Variants in ITGAE observed in about 807,000 individuals in gnomAD.
The protein encoded by ITGAE is integrin alpha-E.
A neutral mutation model predicts 136.5 loss-of-function variants in ITGAE; 99 were observed. The ratio of observed to expected loss-of-function variants is 0.73; its 90% CI spans 0.62 to 0.86. ITGAE has a LOEUF of 0.86. Ranked by LOEUF, ITGAE falls within the 40% of genes least tolerant of loss-of-function variation. ITGAE has a pLI of 0.00. For synonymous variants in ITGAE, 613 were observed against 591.8 expected (o/e 1.04, Z -0.52); for missense variants, 1,447 against 1,515.3 (o/e 0.95, Z 0.75).
chr17:3,719,698 C>A (rs911068331), intron 29 of ITGAE, among the ~76,000 whole-genome samples: 1 of 150,376 alleles, frequency 6.6e-6, no homozygotes, highest in Non-Finnish European at 1.5e-5. Context: ...ATACAAAAAA[C>A]AATTTCTCAC....
chr17:3,794,195 T>C (rs985465460), intron 1 of ITGAE, among the ~76,000 whole-genome samples: 1 of 151,958 alleles, frequency 6.6e-6, no homozygotes, highest in African/African-American at 2.4e-5. Context: ...GTCAGGCTGG[T>C]CTTGAACTCC....
rs1231623178 is a variant in ITGAE at position 3,753,870 on chromosome 17, A to G, written c.1440T>C (p.Ala480=). 2 of 1,614,102 alleles carry G rather than the reference A, an allele frequency of 1.2e-6. No individual in the cohort carries two copies. Among genetic ancestry groups the G allele is most frequent in the Admixed American group, 3.3e-5 (2 of 60,022 alleles). Residue 480 remains alanine, a synonymous_variant, in exon 13 of 31, where the codon GCT becomes GCC. Coordinates refer to ENST00000263087, the MANE Select transcript of ITGAE (RefSeq NM_002208.5). ...CGGCCCCATGATGTTTGTACCGTGGAGCCCCCGCGATGTAGGAGAGGCTGC... is the reference window on the plus strand; with the variant it reads ...CGGCCCCATGATGTTTGTACCGTGGGGCCCCCGCGATGTAGGAGAGGCTGC... ...KTCSLSYIAG[A]PRYKHHGAVF...
intron 24 of ITGAE, among the ~76,000 whole-genome samples, chr17:3,728,628 C>A (rs1371989134): frequency 2.0e-5 from 3 of 150,724 alleles, no homozygotes; most frequent in Admixed American, 6.6e-5. Context: ...CCACCTCAGC[C>A]TCCCAAAGTG....
chr17:3,775,592 T>C (rs540945873), intron 2 of ITGAE, among the ~76,000 whole-genome samples: 14 of 151,742 alleles, frequency 9.2e-5, no homozygotes, highest in African/African-American at 3.4e-4. Flanking sequence ...CCCAAGAACC[T>C]GGGATTACAG....
rs1165180698 is a variant in ITGAE, at chr17:3,798,805, CA to C, written c.34+2305del. Among the ~76,000 whole-genome samples the C allele has an allele frequency of 6.6e-6, 1 of 152,224 alleles. No homozygotes were observed. The highest frequency in any genetic ancestry group is 2.4e-5 in the African/African-American group (1 of 41,462). On this transcript the variant is annotated intron_variant, in intron 1 of 30. Transcript: ENST00000263087. The surrounding 1 kb of genome is among the most constrained non-coding windows in gnomAD (Gnocchi z 4.3). ...GAGTTGATGTGACTGCAGAATGAGT[CA>C]GGGGTGAAGACTGACTTGGGGACAG...
intron 29 of ITGAE, among the ~76,000 whole-genome samples, chr17:3,720,035 T>G (rs1046205262): frequency 2.0e-5 from 3 of 152,146 alleles, no homozygotes; most frequent in African/African-American, 7.2e-5. Context: ...CTGCGAAATT[T>G]TTTTTTTTAA....
At position 3,783,252 on chromosome 17, in the gene ITGAE, T is replaced by C. The variant is rs182931536; in HGVS notation, c.35-5592A>G. 4.2e-3 allele frequency among the ~76,000 whole-genome samples: 639 copies of C among 152,336 alleles called. 5 individuals carry two copies. The highest frequency in any genetic ancestry group is 0.015 in the African/African-American group (609 of 41,578). ...GGCTCTTGGGTTCAAGCAATTCTCC[T>C]GCCTCAGTCTCCGGAGTAGCTGGGA... On this transcript the variant is annotated intron_variant, in intron 1 of 30. Coordinates refer to ENST00000263087, the MANE Select transcript of ITGAE (RefSeq NM_002208.5).
rs2053204021 is a variant in ITGAE, at chr17:3,799,728, C to G, written c.34+1383G>C. On this transcript the variant is annotated intron_variant, in intron 1 of 30. Transcript: ENST00000263087. The surrounding 1 kb of genome is among the most constrained non-coding windows in gnomAD (Gnocchi z 4.1). Reference sequence around the variant, plus strand: ...CATAAAAAGAGTGAGACTCTCTCCACACCCCACATGTAACTAAAAACAGAG... The same window carrying G: ...CATAAAAAGAGTGAGACTCTCTCCAGACCCCACATGTAACTAAAAACAGAG... 6.6e-6 allele frequency among the ~76,000 whole-genome samples: 1 copy of G among 152,334 alleles called. No individual in the cohort carries two copies. The highest frequency in any genetic ancestry group is 1.5e-5 in the Non-Finnish European group (1 of 68,038).
At chr17:3,728,367 CCTT>C in intron 24 of ITGAE, 199 bp from the exon 25 acceptor site, 2 of 288,286 alleles carry the variant, frequency 6.9e-6, no homozygotes, top group South Asian at 3.5e-5. Context: ...TACACTCATC[CCTT>C]TTTTTTTTTT....
chr17:3,726,025 G>A (rs2051202975), intron 26 of ITGAE: 1 of 1,613,976 alleles, frequency 6.2e-7, no homozygotes, highest in Non-Finnish European at 8.5e-7. Context: ...GAACGGGATG[G>A]GATTGTGGTT....
At chr17:3,757,938 C>A in intron 8 of ITGAE, 79 bp from the exon 9 acceptor site, 1 of 1,508,028 alleles carries the variant, frequency 6.6e-7, no homozygotes, top group Admixed American at 1.7e-5. Context: ...TATTCTCTGA[C>A]CTGTATTAGA....
At chr17:3,747,580 A>G (rs1476006113) in intron 17 of ITGAE, among the ~76,000 whole-genome samples, 1 of 152,106 alleles carries the variant, frequency 6.6e-6, no homozygotes, top group East Asian at 1.9e-4. Flanking sequence ...AAGTGCTGGG[A>G]TTACAGGCGT....
chr17:3,756,039 C>T (rs2052014347), intron 10 of ITGAE, 142 bp from the exon 11 acceptor site: 2 of 714,144 alleles, frequency 2.8e-6, no homozygotes, highest in Non-Finnish European at 2.4e-6. Flanking sequence ...AGGGTAGAGA[C>T]CCAGGTTCTC....
intron 19 of ITGAE, among the ~76,000 whole-genome samples, chr17:3,740,534 G>A (rs547986448): frequency 4.6e-5 from 7 of 152,246 alleles, no homozygotes; most frequent in South Asian, 4.2e-4. Context: ...GTGCCACCAC[G>A]CCTGGCTAAC....
chr17:3,780,862 G>C (rs563112949), intron 1 of ITGAE, among the ~76,000 whole-genome samples: 1 of 152,074 alleles, frequency 6.6e-6, no homozygotes, highest in African/African-American at 2.4e-5. Flanking sequence ...CAGCAGGCCT[G>C]GCTAATTTTT....
chr17:3,759,449 A>T lies in ITGAE; in HGVS notation c.819T>A (p.Thr273=). Residue 273 remains threonine, a synonymous_variant, in exon 8 of 31, where the codon ACT becomes ACA. Coordinates refer to ENST00000263087, the MANE Select transcript of ITGAE (RefSeq NM_002208.5). ...CAGTCTTGGTGACACTCCCCACTTG[A>T]GTGATGTTCTGGACTCTGGCGAGGG... is the stretch of plus-strand genomic sequence containing the variant. ...MASLARVQNI[T]QVGSVTKTAS... is the part of the protein sequence containing the mutation. 6.2e-7 allele frequency: 1 copy of T among 1,614,120 alleles called. No homozygotes were observed. The highest frequency in any genetic ancestry group is 1.1e-5 in the South Asian group (1 of 91,088).
chr17:3,724,771 A>G (rs2051166014), intron 26 of ITGAE: 1 of 1,614,182 alleles, frequency 6.2e-7, no homozygotes, highest in African/African-American at 1.3e-5. Context: ...GTGGTGGGAA[A>G]TGGACCAGAG....
intron 11 of ITGAE, 88 bp downstream of exon 11, chr17:3,755,742 T>A (rs1401724961): frequency 1.8e-6 from 2 of 1,110,270 alleles, no homozygotes; most frequent in Non-Finnish European, 1.3e-6. Flanking sequence ...GGCAGAGCCC[T>A]GGATGGGAGG....
At chr17:3,769,369 T>G (rs2052368268) in intron 2 of ITGAE, among the ~76,000 whole-genome samples, 1 of 141,610 alleles carries the variant, frequency 7.1e-6, no homozygotes. Flanking sequence ...GGACTGCGCG[T>G]TCCCAGGAGG....
Sources: allele counts gnomAD v4.1 joint callset (sites outside exome capture counted in the v4.1 genomes callset), GRCh38; gene constraint gnomAD v4.1.1; non-coding constraint Gnocchi (gnomAD v3.1); transcripts MANE v1.5; gene names NCBI Gene and HGNC (gene_info 2026-07-23, HGNC 2026-07-21).